Variants in NRXN2 observed in about 807,000 individuals in gnomAD.
NRXN2 encodes the protein neurexin-2-beta.
Under a neutral mutation model 128.8 loss-of-function variants are expected in NRXN2, and 29 were observed. That is an observed-to-expected ratio of 0.23 (90% CI 0.17 to 0.31). The LOEUF is 0.31. Ranked by LOEUF, NRXN2 falls within the 10% of genes least tolerant of loss-of-function variation. NRXN2 has a pLI of 1.00. For missense variants in NRXN2, 1,881 were observed against 2,452.6 expected, an observed-to-expected ratio of 0.77 and a Z score of 4.92; for synonymous variants, 1,098 against 1,075.2, an observed-to-expected ratio of 1.02 and a Z score of -0.41.
intron 20 of NRXN2, among the ~76,000 whole-genome samples, chr11:64,625,711 A>G (rs2042981771): frequency 6.6e-6 from 1 of 152,108 alleles, no homozygotes; most frequent in Non-Finnish European, 1.5e-5. Context: ...CTTGGTAACA[A>G]GAAGCCTTCT....
At position 64,607,229 on chromosome 11, in the gene NRXN2, G is replaced by A; in HGVS notation, c.5106C>T (p.Ala1702=). The change falls in exon 23 of 23, where the codon GCC becomes GCT. Residue 1702 remains alanine, a synonymous_variant. Transcript: ENST00000265459. ...AATACTCCTTGTCTTTGTTCTTCTT[G>A]GCCTTGCTGGGCGTCTTGGGGGCAG... ...APAAPKTPSK[A]KKNKDKEYYV 6.2e-7 allele frequency: 1 copy of A among 1,613,814 alleles called. No homozygotes were observed. Among genetic ancestry groups the A allele is most frequent in the Non-Finnish European group, 8.5e-7 (1 of 1,179,908 alleles).
rs2043689693 is a variant in NRXN2, at chr11:64,630,255, C to A, written c.3757+147G>T. 1.1e-5 allele frequency: 8 copies of A among 756,252 alleles called. No individual in the cohort carries two copies. Among genetic ancestry groups the A allele is most frequent in the Non-Finnish European group, 1.6e-5 (8 of 489,934 alleles). The allele number at this position is 756,252 out of a possible 1,614,324, so 46.8% of individuals were successfully genotyped here. On this transcript the variant is annotated intron_variant, in intron 19 of 22. Transcript: ENST00000265459. This position sits in a 1 kb window ranked among gnomAD's most constrained non-coding sequence, Gnocchi z 4.6. ...ACGCCCCTGCCCTAGTCCCGCCTCG[C>A]AAGCTTCGTCTCTCCAGTAGCCCCG...
In NRXN2 at chr11:64,722,955, C is replaced by G. The variant is rs1299780652; in HGVS notation, c.-245+16G>C. On this transcript the variant is annotated intron_variant, in intron 1 of 22. Transcript: ENST00000265459. ...CCGCCCGTCTCCGCCGCAGCGCCCC[C>G]CCCCCCCCATTTTACCTGGTTCTCG... is the stretch of plus-strand genomic sequence containing the variant. 5 of 137,776 alleles carry G rather than the reference C, an allele frequency of 3.6e-5. No individual in the cohort carries two copies. The highest frequency in any genetic ancestry group is 7.9e-5 in the Non-Finnish European group (5 of 63,062). 8.5% of individuals were successfully genotyped at this position (137,776 alleles called of 1,614,324 possible).
At chr11:64,720,788 G>A (rs1266266798) in intron 1 of NRXN2, among the ~76,000 whole-genome samples, 1 of 152,196 alleles carries the variant, frequency 6.6e-6, no homozygotes, top group East Asian at 1.9e-4. Flanking sequence ...GCAGGGACTG[G>A]TGTGTCTGGG....
At chr11:64,642,586 A>G in intron 17 of NRXN2, 2 of 1,610,894 alleles carry the variant, frequency 1.2e-6, no homozygotes, top group Non-Finnish European at 1.7e-6. Flanking sequence ...GGCGATGGGC[A>G]CGGTGCCGTG....
chr11:64,695,730 G>GCACA (rs140194538), intron 3 of NRXN2, among the ~76,000 whole-genome samples: 5 of 150,494 alleles, frequency 3.3e-5, no homozygotes, highest in Middle Eastern at 3.2e-3. Context: ...ACACACACGC[G>GCACA]CACACACACA....
At chr11:64,644,018 A>G (rs2046262109) in intron 17 of NRXN2, among the ~76,000 whole-genome samples, 1 of 151,908 alleles carries the variant, frequency 6.6e-6, no homozygotes, top group Non-Finnish European at 1.5e-5. Context: ...ACGTGCCCAT[A>G]TGGGCACAGT....
chr11:64,700,187 G>A (rs151131498), intron 2 of NRXN2, among the ~76,000 whole-genome samples: 7 of 152,078 alleles, frequency 4.6e-5, no homozygotes, highest in East Asian at 1.9e-4. Flanking sequence ...GCTCATTTTC[G>A]TGCTCAGAGA....
Position 64,713,665 on chromosome 11 carries a change from G to A in NRXN2, c.35C>T (p.Pro12Leu). The A allele has an allele frequency of 8.5e-7, 1 of 1,182,524 alleles. No homozygotes were observed. 73.3% of individuals were successfully genotyped at this position (1,182,524 alleles called of 1,614,324 possible). The change falls in exon 2 of 23, where the codon CCG becomes CTG. Residue 12 changes from proline (P) to leucine (L), a missense_variant. This residue lies in a region of NRXN2 where 997 missense variants were observed against 1,240.8 expected (regional missense o/e 0.80). Coordinates refer to ENST00000265459, the MANE Select transcript of NRXN2 (RefSeq NM_015080.4). The stretch of plus-strand genomic sequence containing the variant: ...CAGCAGCAGCAGCAACAGCAGCGGC[G>A]GCGGTGTCGGCCGCCACCGGCTCCC... The part of the protein sequence containing the change: ...ASGSRWRPTP[P>L]PLLLLLLLAL...
rs1343530179 is a variant in NRXN2, at chr11:64,713,368, C to A, written c.332G>T (p.Arg111Leu). Reference protein sequence around the residue: ...LQLDTPVADDRWHMVLLTRDA... With the variant: ...LQLDTPVADDLWHMVLLTRDA... ...GCGGGTCAGCAGCACCATGTGCCAG[C>A]GGTCGTCGGCCACCGGCGTGTCCAG... The change falls in exon 2 of 23, where the codon CGC becomes CTC. Residue 111 changes from arginine to leucine, a missense_variant. By Grantham distance (102) the Arg-to-Leu change is moderately radical. Transcript: ENST00000265459. 2 of 1,439,848 alleles carry A rather than the reference C, an allele frequency of 1.4e-6. No homozygotes were observed. Among genetic ancestry groups the A allele is most frequent in the South Asian group, 1.4e-5 (1 of 72,530 alleles). The allele number at this position is 1,439,848 out of a possible 1,614,324, so 89.2% of individuals were successfully genotyped here. A position where few individuals can be genotyped will look rare whatever the true frequency, so the allele number is the denominator to read the frequency against.
At chr11:64,665,490 C>A (rs2049714765) in intron 9 of NRXN2, among the ~76,000 whole-genome samples, 1 of 152,200 alleles carries the variant, frequency 6.6e-6, no homozygotes, top group Admixed American at 6.5e-5. Context: ...GTGTTACTGA[C>A]CACCTGGTAG....
At chr11:64,628,119 T>C (rs2043338912) in intron 19 of NRXN2, among the ~76,000 whole-genome samples, 2 of 152,218 alleles carry the variant, frequency 1.3e-5, no homozygotes, top group African/African-American at 4.8e-5. Flanking sequence ...AGGCTGAGTA[T>C]ACAAAAATTC....
At chr11:64,695,215 A>C (rs1565433083) in intron 3 of NRXN2, among the ~76,000 whole-genome samples, 1 of 151,542 alleles carries the variant, frequency 6.6e-6, no homozygotes, top group Non-Finnish European at 1.5e-5. Flanking sequence ...CCCCACATCC[A>C]CCTGTGGCAT....
At chr11:64,676,912 G>T in intron 7 of NRXN2, 81 bp downstream of exon 7, 2 of 1,166,236 alleles carry the variant, frequency 1.7e-6, no homozygotes, top group East Asian at 2.4e-5. Context: ...CAAACAGGGA[G>T]AGGAAACAAA....
At position 64,607,968 on chromosome 11, in the gene NRXN2, A is replaced by G; in HGVS notation, c.4367T>C (p.Val1456Ala). The G allele has an allele frequency of 3.5e-6, 5 of 1,429,614 alleles. No individual in the cohort carries two copies. Among genetic ancestry groups the G allele is most frequent in the Non-Finnish European group, 3.7e-6 (4 of 1,086,058 alleles). 88.6% of individuals were successfully genotyped at this position (1,429,614 alleles called of 1,614,324 possible). A position where few individuals can be genotyped will look rare whatever the true frequency, so the allele number is the denominator to read the frequency against. ...PPTFYPFLTG[V>A]GATQDTLPPP... ...GGGCAGCGTGTCTTGGGTGGCGCCCACTCCCGTGAGGAAGGGGTAGAAGGT... is the reference window on the plus strand; with the variant it reads ...GGGCAGCGTGTCTTGGGTGGCGCCCGCTCCCGTGAGGAAGGGGTAGAAGGT... Residue 1456 changes from valine to alanine, a missense_variant, in exon 23 of 23, where the codon GTG becomes GCG. Physicochemically the swap from Val to Ala is moderately conservative, Grantham distance 64 (BLOSUM62 0). This residue lies in a region of NRXN2 where 310 missense variants were observed against 318.2 expected (regional missense o/e 0.97). Coordinates refer to ENST00000265459, the MANE Select transcript of NRXN2 (RefSeq NM_015080.4).
rs2043968031 is a variant in NRXN2, at chr11:64,631,933, C to A, written c.3586-1360G>T. 6.6e-6 allele frequency among the ~76,000 whole-genome samples: 1 copy of A among 152,176 alleles called. No homozygotes were observed. Among genetic ancestry groups the A allele is most frequent in the African/African-American group, 2.4e-5 (1 of 41,438 alleles). ...AGACACTCACACAGGTTCACTCAAA[C>A]CCCCTGGCTCACACACTCTCAGGCA... On this transcript the variant is annotated intron_variant, in intron 18 of 22. Coordinates refer to ENST00000265459, the MANE Select transcript of NRXN2 (RefSeq NM_015080.4). This position sits in a 1 kb window ranked among gnomAD's most constrained non-coding sequence, Gnocchi z 4.8.
intron 11 of NRXN2, among the ~76,000 whole-genome samples, chr11:64,655,552 A>AG (rs2048147351): frequency 6.6e-6 from 1 of 152,102 alleles, no homozygotes; most frequent in African/African-American, 2.4e-5. Flanking sequence ...GTCCAAAAAA[A>AG]GAAAAAAGGG....
intron 18 of NRXN2, among the ~76,000 whole-genome samples, chr11:64,634,464 G>C (rs1324330395): frequency 6.6e-6 from 1 of 152,166 alleles, no homozygotes; most frequent in African/African-American, 2.4e-5. Flanking sequence ...TTGCAGACTA[G>C]AGTTCAACAG....
intron 2 of NRXN2, among the ~76,000 whole-genome samples, chr11:64,701,104 T>C (rs1036745715): frequency 6.6e-6 from 1 of 152,166 alleles, no homozygotes; most frequent in Non-Finnish European, 1.5e-5. Context: ...CCTTGGAACA[T>C]TAATAAGCCT....
Sources: allele counts gnomAD v4.1 joint callset (sites outside exome capture counted in the v4.1 genomes callset), GRCh38; gene constraint gnomAD v4.1.1; regional missense constraint gnomAD v4.1.1; non-coding constraint Gnocchi (gnomAD v3.1); transcripts MANE v1.5; gene names NCBI Gene and HGNC (gene_info 2026-07-23, HGNC 2026-07-21).